FMN2: variants seen among roughly 807,000 people sequenced by gnomAD.
The protein encoded by FMN2 is formin-2.
A neutral mutation model predicts 142.3 loss-of-function variants in FMN2; 51 were observed. That is an observed-to-expected ratio of 0.36 (90% CI 0.29 to 0.45). The LOEUF (loss-of-function observed/expected upper bound fraction) is 0.45. Ranked by LOEUF, FMN2 falls within the 20% of genes least tolerant of loss-of-function variation. The pLI is 1.00. For synonymous variants in FMN2, 882 were observed against 869.8 expected (o/e 1.01, Z -0.25); for missense variants, 1,936 against 2,122.8 (o/e 0.91, Z 1.73).
chr1:240,244,147 C>T (rs1283583868), intron 6 of FMN2, among the ~76,000 whole-genome samples: 1 of 152,070 alleles, frequency 6.6e-6, no homozygotes, highest in Non-Finnish European at 1.5e-5. Context: ...GCCATTTATC[C>T]CTTATTTAAT....
At chr1:240,277,319 G>T (rs1558407707) in intron 7 of FMN2, among the ~76,000 whole-genome samples, 1 of 151,722 alleles carries the variant, frequency 6.6e-6, no homozygotes, top group African/African-American at 2.4e-5. Context: ...CTAATTCTTA[G>T]AATTTTTTAT....
chr1:240,154,087 G>A lies in FMN2; in HGVS notation c.1783-23834G>A, dbSNP rs184591800. On this transcript the variant is annotated intron_variant, in intron 2 of 17. Coordinates refer to ENST00000319653, the MANE Select transcript of FMN2 (RefSeq NM_020066.5). ...ATCAGGCCACTGCACTCCAGCCTGG[G>A]CGACAAAGTGAGATTCCATCAAAAA... Among the ~76,000 whole-genome samples, 46 of 123,230 alleles carry A rather than the reference G, an allele frequency of 3.7e-4. 1 individual carries two copies. In the East Asian group the frequency reaches 9.9e-3, roughly 27 times the overall value. The allele number at this position is 123,230 out of a possible 152,430, so 80.8% of individuals were successfully genotyped here.
rs375178797 is a variant in FMN2, at chr1:240,206,935, A to G, written c.2123A>G (p.His708Arg). ...PALDTEVASG[H>R]QGLENGVTAS... ...CTGGACACAGAGGTGGCCAGTGGTC[A>G]TCAAGGGCTTGAGAATGGAGTGACA... is the stretch of plus-strand genomic sequence containing the variant. Residue 708 changes from histidine (H) to arginine (R), a missense_variant, in exon 5 of 18, where the codon CAT becomes CGT. Coordinates refer to ENST00000319653, the MANE Select transcript of FMN2 (RefSeq NM_020066.5). 3 of 1,614,184 alleles carry G rather than the reference A, an allele frequency of 1.9e-6. No individual in the cohort carries two copies. Among genetic ancestry groups the G allele is most frequent in the African/African-American group, 1.3e-5 (1 of 75,056 alleles).
intron 4 of FMN2, among the ~76,000 whole-genome samples, chr1:240,194,238 A>G (rs562790185): frequency 6.6e-6 from 1 of 152,306 alleles, no homozygotes; most frequent in East Asian, 1.9e-4. Flanking sequence ...CAGGAGTGGT[A>G]GAACATTTGC....
intron 2 of FMN2, among the ~76,000 whole-genome samples, chr1:240,169,081 C>G (rs1664597037): frequency 6.6e-6 from 1 of 152,136 alleles, no homozygotes; most frequent in South Asian, 2.1e-4. Flanking sequence ...CGTGGTGGCA[C>G]ATGCCTGTAG....
intron 8 of FMN2, among the ~76,000 whole-genome samples, chr1:240,320,949 C>G (rs1670950666): frequency 6.6e-6 from 1 of 152,134 alleles, no homozygotes; most frequent in Non-Finnish European, 1.5e-5. Flanking sequence ...TTCTTCACCA[C>G]TATGCTCTCA....
intron 7 of FMN2, among the ~76,000 whole-genome samples, chr1:240,276,915 TC>T (rs1366458993): frequency 1.3e-5 from 2 of 152,208 alleles, no homozygotes; most frequent in Non-Finnish European, 2.9e-5. Flanking sequence ...CCTCATTTTC[TC>T]ATCAAACTTG....
At chr1:240,244,914 A>T (rs768461118) in intron 6 of FMN2, among the ~76,000 whole-genome samples, 23 of 152,206 alleles carry the variant, frequency 1.5e-4, no homozygotes, top group Non-Finnish European at 2.2e-4. Context: ...TTACTTATTC[A>T]GCGGACATTT....
chr1:240,413,772 C>G (rs191073536), intron 15 of FMN2, among the ~76,000 whole-genome samples: 115 of 152,248 alleles, frequency 7.6e-4, no homozygotes, highest in African/African-American at 2.6e-3. Context: ...AAGAATTTTT[C>G]TTTATGTTAT....
chr1:240,363,934 G>A (rs1408323318), intron 14 of FMN2, among the ~76,000 whole-genome samples: 1 of 152,094 alleles, frequency 6.6e-6, no homozygotes, highest in Non-Finnish European at 1.5e-5. Context: ...CTTTGTGTGG[G>A]TAATTGTGCT....
At chr1:240,433,101 T>C (rs1675231938) in intron 15 of FMN2, among the ~76,000 whole-genome samples, 1 of 152,184 alleles carries the variant, frequency 6.6e-6, no homozygotes, top group African/African-American at 2.4e-5. Flanking sequence ...TTTTTCCTTT[T>C]AGTCCTGCAA....
intron 6 of FMN2, chr1:240,245,389 G>A: frequency 2.4e-6 from 1 of 411,224 alleles, no homozygotes; most frequent in East Asian, 7.1e-5. Flanking sequence ...GCAGCAGGGT[G>A]GTGGTAGTGA....
chr1:240,095,966 G>A (rs1661182960), intron 1 of FMN2, among the ~76,000 whole-genome samples: 1 of 152,046 alleles, frequency 6.6e-6, no homozygotes, highest in Non-Finnish European at 1.5e-5. Context: ...ACAGCTGGTT[G>A]GTAATCAGCA....
chr1:240,381,892 A>G (rs1673237557), intron 14 of FMN2, among the ~76,000 whole-genome samples: 3 of 152,200 alleles, frequency 2.0e-5, no homozygotes, highest in Admixed American at 1.3e-4. Flanking sequence ...AGATTAAAGC[A>G]TTTTCCCTGA....
At chr1:240,193,784 T>C (rs911654231) in intron 4 of FMN2, among the ~76,000 whole-genome samples, 2 of 152,236 alleles carry the variant, frequency 1.3e-5, no homozygotes, top group African/African-American at 4.8e-5. Flanking sequence ...CTGCTTCCAG[T>C]CTTAACCCTT....
At chr1:240,237,358 C>T (rs892534590) in intron 6 of FMN2, among the ~76,000 whole-genome samples, 4 of 152,144 alleles carry the variant, frequency 2.6e-5, no homozygotes, top group African/African-American at 9.7e-5. Context: ...GCTCTGCATA[C>T]CAGCTGCTGG....
intron 13 of FMN2, among the ~76,000 whole-genome samples, chr1:240,346,054 G>A (rs559721700): frequency 1.1e-4 from 16 of 152,174 alleles, no homozygotes; most frequent in South Asian, 2.1e-4. Context: ...CAAGCTTGAG[G>A]AAAAGCAAGT....
At chr1:240,282,246 G>A (rs1019950065) in intron 7 of FMN2, among the ~76,000 whole-genome samples, 1 of 152,130 alleles carries the variant, frequency 6.6e-6, no homozygotes, top group Non-Finnish European at 1.5e-5. Context: ...TCCAAGAGAT[G>A]CACAGCTGGT....
chr1:240,411,641 T>TC (rs1674395462), intron 15 of FMN2, among the ~76,000 whole-genome samples: 1 of 151,880 alleles, frequency 6.6e-6, no homozygotes, highest in African/African-American at 2.4e-5. Flanking sequence ...TTTTTTTTTT[T>TC]TCTCTGAGAA....
Sources: gnomAD v4.1 joint callset for allele counts (sites outside exome capture counted in the v4.1 genomes callset) on GRCh38, gnomAD v4.1.1 for gene constraint, MANE v1.5 for transcripts, NCBI Gene and HGNC (gene_info 2026-07-23, HGNC 2026-07-21) for gene names.